CDK8: variants seen among roughly 807,000 people sequenced by gnomAD.
The protein encoded by CDK8 is cyclin-dependent kinase 8.
In CDK8, 29 loss-of-function variants were observed where a neutral mutation model predicts 71.5. The observed-to-expected ratio is 0.41, with a 90% CI of 0.30 to 0.55. CDK8 has a LOEUF of 0.55. CDK8 is among the 20% of genes least tolerant of loss of function. CDK8 has a pLI of 0.37. For missense variants in CDK8, 288 were observed against 572.6 expected (o/e 0.50, Z 5.07); for synonymous variants, 161 against 192.1 (o/e 0.84, Z 1.34).
chr13:26,304,243 A>G (rs1034455879), intron 1 of CDK8, among the ~76,000 whole-genome samples: 4 of 151,838 alleles, frequency 2.6e-5, no homozygotes, highest in Non-Finnish European at 4.4e-5. Flanking sequence ...CAGCCTGAGC[A>G]ACAGAGCCAG....
intron 12 of CDK8, 128 bp from the exon 13 acceptor site, chr13:26,403,828 A>C (rs1876379139): frequency 1.8e-6 from 2 of 1,135,890 alleles, no homozygotes; most frequent in Non-Finnish European, 2.5e-6. Context: ...TTAATTATAA[A>C]GTTAGTACAT....
chr13:26,400,534 C>T lies in CDK8; in HGVS notation c.1015C>T (p.Pro339Ser). The change falls in exon 10 of 13, where the codon CCA (proline) becomes TCA (serine). Residue 339 changes from proline to serine, a missense_variant. Physicochemically the swap from Pro to Ser is moderately conservative, Grantham distance 74. Transcript: ENST00000381527. ...AMQDPYFLED[P>S]LPTSDVFAGC... The stretch of plus-strand genomic sequence containing the variant: ...GCAGGACCCCTATTTCTTAGAAGAC[C>T]CACTTCCTACATCAGAGTAAGTGGC... 1.2e-6 allele frequency: 2 copies of T among 1,607,274 alleles called. No homozygotes were observed. Among genetic ancestry groups the T allele is most frequent in the East Asian group, 2.2e-5 (1 of 44,770 alleles).
intron 2 of CDK8, among the ~76,000 whole-genome samples, chr13:26,342,093 G>T (rs1873266017): frequency 6.6e-6 from 1 of 152,114 alleles, no homozygotes; most frequent in Non-Finnish European, 1.5e-5. Flanking sequence ...GCTAATTTTT[G>T]TATTTTTAGT....
chr13:26,328,400 T>C (rs1278776889), intron 1 of CDK8, among the ~76,000 whole-genome samples: 5 of 152,220 alleles, frequency 3.3e-5, no homozygotes, highest in Admixed American at 3.3e-4. Context: ...AGCTCCTTGA[T>C]CTGGTTGACT....
intron 1 of CDK8, among the ~76,000 whole-genome samples, chr13:26,256,283 G>GTA (rs892520463): frequency 2.6e-5 from 4 of 152,132 alleles, no homozygotes; most frequent in Non-Finnish European, 5.9e-5. Flanking sequence ...GTTTTACTCT[G>GTA]TAATGACATA....
intron 1 of CDK8, among the ~76,000 whole-genome samples, chr13:26,289,289 G>A (rs1404786634): frequency 6.6e-6 from 1 of 151,594 alleles, no homozygotes; most frequent in Non-Finnish European, 1.5e-5. Context: ...TCCTGACCTC[G>A]TGAACCGCCT....
chr13:26,402,531 T>C (rs1226173969), intron 12 of CDK8, among the ~76,000 whole-genome samples: 2 of 152,238 alleles, frequency 1.3e-5, no homozygotes, highest in Non-Finnish European at 2.9e-5. Flanking sequence ...TGCTCGTTAC[T>C]GTACTTTCAG....
intron 4 of CDK8, among the ~76,000 whole-genome samples, chr13:26,356,772 AT>A (rs1873916688): frequency 6.6e-6 from 1 of 152,174 alleles, no homozygotes; most frequent in South Asian, 2.1e-4. Context: ...CTTTTTTAAC[AT>A]TTTTTCTCAA....
At chr13:26,281,246 C>T (rs1872732933) in intron 1 of CDK8, among the ~76,000 whole-genome samples, 1 of 152,228 alleles carries the variant, frequency 6.6e-6, no homozygotes, top group Admixed American at 6.5e-5. Flanking sequence ...ACTCCCTTAC[C>T]ATCTCCACCA....
At chr13:26,385,653 C>T (rs934474523) in intron 6 of CDK8, among the ~76,000 whole-genome samples, 4 of 152,106 alleles carry the variant, frequency 2.6e-5, no homozygotes, top group Non-Finnish European at 5.9e-5. Context: ...GGGAGGATCG[C>T]TTGAGCCTGG....
intron 2 of CDK8, among the ~76,000 whole-genome samples, chr13:26,340,022 C>A (rs1295327045): frequency 6.6e-6 from 1 of 151,778 alleles, no homozygotes; most frequent in African/African-American, 2.4e-5. Context: ...TTTCACTGTT[C>A]AGTATAATGA....
chr13:26,387,096 G>T (rs1875514141), intron 6 of CDK8, among the ~76,000 whole-genome samples: 1 of 151,928 alleles, frequency 6.6e-6, no homozygotes, highest in South Asian at 2.1e-4. Flanking sequence ...TTCTGCCTTT[G>T]TCATATCCAT....
At chr13:26,342,314 T>G (rs946790446) in intron 2 of CDK8, among the ~76,000 whole-genome samples, 4 of 152,204 alleles carry the variant, frequency 2.6e-5, no homozygotes, top group Admixed American at 2.6e-4. Flanking sequence ...AATAGTGTCA[T>G]GTAGTGCTGA....
At chr13:26,369,026 G>A (rs1874525765) in intron 4 of CDK8, among the ~76,000 whole-genome samples, 1 of 151,784 alleles carries the variant, frequency 6.6e-6, no homozygotes, top group Non-Finnish European at 1.5e-5. Context: ...GTAATCTTCT[G>A]TTCGTATATT....
chr13:26,334,157 A>G (rs961056367), intron 1 of CDK8, among the ~76,000 whole-genome samples: 6 of 152,304 alleles, frequency 3.9e-5, no homozygotes, highest in African/African-American at 1.4e-4. Flanking sequence ...CTGATTGAAT[A>G]TTAGAATTTT....
chr13:26,309,681 C>T (rs1874199603), intron 1 of CDK8, among the ~76,000 whole-genome samples: 1 of 152,158 alleles, frequency 6.6e-6, no homozygotes, highest in African/African-American at 2.4e-5. Flanking sequence ...GCTCGAGATA[C>T]CCTTAATGTG....
intron 4 of CDK8, among the ~76,000 whole-genome samples, chr13:26,362,222 A>AGATG (rs66479948): frequency 0.15 from 22,700 of 146,628 alleles, 1,827 homozygotes; most frequent in East Asian, 0.21. Context: ...GATAGATGAT[A>AGATG]GATGGATGGA....
chr13:26,266,058 C>T (rs141741118), intron 1 of CDK8, among the ~76,000 whole-genome samples: 13 of 149,772 alleles, frequency 8.7e-5, no homozygotes, highest in Middle Eastern at 3.4e-3. Flanking sequence ...GATAGATGAA[C>T]AAGTGAGAAC....
chr13:26,279,575 C>A (rs1872668772), intron 1 of CDK8, among the ~76,000 whole-genome samples: 1 of 151,884 alleles, frequency 6.6e-6, no homozygotes, highest in Non-Finnish European at 1.5e-5. Flanking sequence ...TGACCACTGG[C>A]CTAGTCTCTT....
Sources: gnomAD v4.1 joint callset for allele counts (sites outside exome capture counted in the v4.1 genomes callset) on GRCh38, gnomAD v4.1.1 for gene constraint, MANE v1.5 for transcripts, NCBI Gene and HGNC (gene_info 2026-07-23, HGNC 2026-07-21) for gene names.